Variants in SEL1L2 observed in about 807,000 individuals in gnomAD.
SEL1L2 encodes the protein SEL1L2 adaptor subunit of SYVN1 ubiquitin ligase.
Under a neutral mutation model 98.8 loss-of-function variants are expected in SEL1L2, and 89 were observed. The ratio of observed to expected loss-of-function variants is 0.90; its 90% confidence interval spans 0.76 to 1.07. The LOEUF is 1.07. SEL1L2 is among the 50% of genes least tolerant of loss of function. The pLI, the probability that SEL1L2 is intolerant of heterozygous loss-of-function variation, is 0.00. For missense variants in SEL1L2, 788 were observed against 812.0 expected (o/e 0.97, Z 0.36); for synonymous variants, 262 against 278.5 (o/e 0.94, Z 0.59).
At chr20:13,874,348 A>G (rs1233222909) in intron 12 of SEL1L2, among the ~76,000 whole-genome samples, 1 of 152,230 alleles carries the variant, frequency 6.6e-6, no homozygotes, top group African/African-American at 2.4e-5. Context: ...GGCGCTGATC[A>G]AGAAGTATGT....
intron 11 of SEL1L2, 77 bp downstream of exon 11, chr20:13,877,443 G>A (rs1428436461): frequency 3.5e-6 from 4 of 1,152,030 alleles, no homozygotes; most frequent in Non-Finnish European, 1.3e-6. Flanking sequence ...TGGGACAACA[G>A]GCACACGCTG....
rs1476155667 is a variant in SEL1L2 at position 13,877,513 on chromosome 20, C to T, written c.1026+7G>A. ...ATGAAAACAATGAATCAAGATGAAG[C>T]ATGTACCTTTCCTATAAATGCCATG... On this transcript the variant is annotated splice_region_variant and intron_variant, in intron 11 of 19. Coordinates refer to ENST00000284951, the MANE Select transcript of SEL1L2 (RefSeq NM_025229.2). 6.2e-7 allele frequency: 1 copy of T among 1,601,272 alleles called. No homozygotes were observed. Among genetic ancestry groups the T allele is most frequent in the African/African-American group, 1.3e-5 (1 of 74,632 alleles).
At chr20:13,990,619 T>TG (rs2052502952), upstream of SEL1L2, 2 of 1,049,598 alleles carry the variant, frequency 1.9e-6, no homozygotes, top group South Asian at 2.7e-5. Context: ...GGGACTGTGG[T>TG]GGGGGCAGGA....
intron 1 of SEL1L2, among the ~76,000 whole-genome samples, chr20:13,964,118 C>T (rs1313851689): frequency 6.6e-6 from 1 of 151,970 alleles, no homozygotes; most frequent in Non-Finnish European, 1.5e-5. Flanking sequence ...TCATGATCCA[C>T]CCGCCTCGGC....
intron 1 of SEL1L2, among the ~76,000 whole-genome samples, chr20:13,978,925 C>T (rs926256590): frequency 6.6e-6 from 1 of 151,910 alleles, no homozygotes; most frequent in Admixed American, 6.6e-5. Flanking sequence ...CAGGCATGAT[C>T]GTGCACGCCT....
intron 5 of SEL1L2, among the ~76,000 whole-genome samples, chr20:13,895,229 G>A (rs1254649325): frequency 6.6e-6 from 1 of 152,136 alleles, no homozygotes; most frequent in African/African-American, 2.4e-5. Flanking sequence ...GATTGCATGA[G>A]CTCACGAGTT....
chr20:13,885,599 C>G (rs867314046), intron 9 of SEL1L2, among the ~76,000 whole-genome samples, 196 bp from the exon 10 acceptor site: 2 of 152,130 alleles, frequency 1.3e-5, no homozygotes, highest in African/African-American at 2.4e-5. Flanking sequence ...TCCTTAGTGG[C>G]TGGAAGCTGG....
intron 4 of SEL1L2, among the ~76,000 whole-genome samples, chr20:13,915,402 A>ACAGGAAG (rs2048361057): frequency 6.6e-6 from 1 of 152,154 alleles, no homozygotes; most frequent in African/African-American, 2.4e-5. Flanking sequence ...ACTAAAGGCA[A>ACAGGAAG]ATGTCTGGCA....
At chr20:13,904,089 A>G (rs981797364) in intron 5 of SEL1L2, among the ~76,000 whole-genome samples, 2 of 152,250 alleles carry the variant, frequency 1.3e-5, no homozygotes, top group African/African-American at 4.8e-5. Flanking sequence ...TTTCAGTTAC[A>G]TTTATTACAA....
intron 1 of SEL1L2, among the ~76,000 whole-genome samples, chr20:13,964,419 G>T (rs1403620911): frequency 1.5e-5 from 2 of 136,104 alleles, no homozygotes; most frequent in Admixed American, 7.6e-5. Flanking sequence ...GTAAATGTGT[G>T]GTGTGCTCTG....
chr20:13,995,279 C>T (rs995061447), upstream of SEL1L2: 3 of 234,926 alleles, frequency 1.3e-5, no homozygotes, highest in South Asian at 9.5e-5. This position sits in a 1 kb window ranked among gnomAD's most constrained non-coding sequence, Gnocchi z 4.3. Context: ...GCTCCAGCCC[C>T]CTCGCTCCCT....
intron 1 of SEL1L2, among the ~76,000 whole-genome samples, chr20:13,978,200 C>T (rs2263674): frequency 0.81 from 123,685 of 152,180 alleles, 50,387 homozygotes; most frequent in Non-Finnish European, 0.83. Context: ...AGTAAACTTA[C>T]GTATTTACAG....
intron 18 of SEL1L2, among the ~76,000 whole-genome samples, chr20:13,856,314 G>A (rs1302990186): frequency 6.6e-6 from 1 of 152,020 alleles, no homozygotes; most frequent in South Asian, 2.1e-4. Context: ...ATTTTTAGTA[G>A]AGACAAGATT....
At chr20:13,911,636 T>C (rs1334511192) in intron 5 of SEL1L2, among the ~76,000 whole-genome samples, 3 of 152,222 alleles carry the variant, frequency 2.0e-5, no homozygotes, top group Non-Finnish European at 4.4e-5. Flanking sequence ...AGCAACTTAA[T>C]TTAATTAAAA....
At chr20:13,865,306 T>TGC in intron 16 of SEL1L2, 43 bp downstream of exon 16, 2 of 1,585,562 alleles carry the variant, frequency 1.3e-6, no homozygotes, top group Non-Finnish European at 1.7e-6. Flanking sequence ...CATACATGCA[T>TGC]ATGTATGATT....
chr20:13,936,365 G>C (rs569189419), intron 2 of SEL1L2, among the ~76,000 whole-genome samples: 7 of 152,066 alleles, frequency 4.6e-5, no homozygotes, highest in Non-Finnish European at 8.8e-5. Context: ...AGGATGACAG[G>C]GGCCCAAATT....
intron 1 of SEL1L2, among the ~76,000 whole-genome samples, chr20:13,978,773 A>T (rs1490382099): frequency 6.6e-6 from 1 of 152,172 alleles, no homozygotes; most frequent in Non-Finnish European, 1.5e-5. Flanking sequence ...AAAGAATGAA[A>T]TCACCAGGTG....
intron 2 of SEL1L2, among the ~76,000 whole-genome samples, chr20:13,951,660 G>C (rs896063799): frequency 1.8e-5 from 1 of 56,916 alleles, no homozygotes; most frequent in Non-Finnish European, 3.5e-5. Flanking sequence ...GATTCTTGCT[G>C]TACTTTATGC....
At chr20:13,907,855 C>A (rs756820881) in intron 5 of SEL1L2, among the ~76,000 whole-genome samples, 21 of 151,340 alleles carry the variant, frequency 1.4e-4, no homozygotes, top group Non-Finnish European at 2.8e-4. Context: ...GCAGCCTCAA[C>A]CTCCTGGGCT....
Sources: allele counts gnomAD v4.1 joint callset (sites outside exome capture counted in the v4.1 genomes callset), GRCh38; gene constraint gnomAD v4.1.1; non-coding constraint Gnocchi (gnomAD v3.1); transcripts MANE v1.5; gene names NCBI Gene and HGNC (gene_info 2026-07-23, HGNC 2026-07-21).